Variants in EXOC6 observed in about 807,000 individuals in gnomAD.
The protein encoded by EXOC6 is SEC15-like 1.
In EXOC6, 60 loss-of-function variants were observed where a neutral mutation model predicts 112.5. The ratio of observed to expected loss-of-function variants is 0.53; its 90% CI spans 0.43 to 0.66. The LOEUF (loss-of-function observed/expected upper bound fraction) is 0.66. EXOC6 is among the 30% of genes least tolerant of loss of function. The pLI is 0.00. For missense variants in EXOC6, 855 were observed against 957.1 expected (o/e 0.89, Z 1.41); for synonymous variants, 295 against 308.0 (o/e 0.96, Z 0.44).
intron 9 of EXOC6, among the ~76,000 whole-genome samples, chr10:92,930,058 A>G (rs562001007): frequency 1.3e-5 from 2 of 152,378 alleles, no homozygotes; most frequent in East Asian, 3.9e-4. Flanking sequence ...ATAAAGAGGA[A>G]TGGAAGACCT....
intron 18 of EXOC6, among the ~76,000 whole-genome samples, chr10:92,982,124 C>A (rs1240697121): frequency 2.0e-5 from 3 of 151,914 alleles, no homozygotes; most frequent in East Asian, 1.9e-4. Flanking sequence ...TCAAAAAAAA[C>A]CAAACAAAAA....
rs577135332 is a variant in EXOC6 at position 92,915,588 on chromosome 10, A to T, written c.664-170A>T. On this transcript the variant is annotated intron_variant, in intron 6 of 21. Transcript: ENST00000260762. ...TGATTTTTTTTTTTTTTTTTTTTTT[A>T]AAAAAAGGAAATGAGAAGGCAAAAA... Among the ~76,000 whole-genome samples the T allele has an allele frequency of 0.059, 5,152 of 87,792 alleles. 124 individuals carry two copies. The highest frequency in any genetic ancestry group is 0.1 in the South Asian group (268 of 2,602). The allele number at this position is 87,792 out of a possible 152,430, so 57.6% of individuals were successfully genotyped here.
At chr10:92,975,298 C>T (rs1842476254) in intron 18 of EXOC6, among the ~76,000 whole-genome samples, 2 of 151,440 alleles carry the variant, frequency 1.3e-5, no homozygotes, top group Admixed American at 1.3e-4. Context: ...CTCGGCCGCC[C>T]CGTCTGAGAA....
At chr10:92,902,887 C>T (rs1295716251) in intron 5 of EXOC6, among the ~76,000 whole-genome samples, 1 of 152,008 alleles carries the variant, frequency 6.6e-6, no homozygotes, top group Non-Finnish European at 1.5e-5. Flanking sequence ...TTTTAAAATT[C>T]GTCTGTGGTT....
chr10:92,881,917 C>G (rs540632656), intron 1 of EXOC6, among the ~76,000 whole-genome samples: 2 of 152,270 alleles, frequency 1.3e-5, no homozygotes, highest in South Asian at 4.1e-4. Context: ...TTGGCCTCTT[C>G]TTCCACCATG....
chr10:92,991,582 A>G lies in EXOC6; in HGVS notation c.1954-5892A>G, dbSNP rs563895905. Among the ~76,000 whole-genome samples the G allele has an allele frequency of 2.0e-5, 3 of 152,350 alleles. No homozygotes were observed. The South Asian group carries it at 6.2e-4, about 32-fold the overall frequency. ...TACTCAAAAGATTGTTTAACAAACA[A>G]AAAGACTGCCAAAGTTTGATAAGCC... is the stretch of plus-strand genomic sequence containing the variant. On this transcript the variant is annotated intron_variant, in intron 18 of 21. Transcript: ENST00000260762.
chr10:93,058,874 T>A lies in EXOC6; in HGVS notation c.*519T>A, dbSNP rs1240256342. The A allele has an allele frequency of 6.6e-6, 1 of 152,262 alleles. No individual in the cohort carries two copies. The highest frequency in any genetic ancestry group is 1.5e-5 in the Non-Finnish European group (1 of 68,058). 9.4% of individuals were successfully genotyped at this position (152,262 alleles called of 1,614,324 possible). On this transcript the variant is annotated 3_prime_UTR_variant, in exon 22 of 22. Transcript: ENST00000260762. ...GGGGAAATAGACAAATCTTAAAAGCTGCCTGAAATCAAACTTGATTTAACT... is the reference window on the plus strand; with the variant it reads ...GGGGAAATAGACAAATCTTAAAAGCAGCCTGAAATCAAACTTGATTTAACT...
At chr10:92,915,275 G>A (rs1337969418) in intron 6 of EXOC6, among the ~76,000 whole-genome samples, 2 of 151,946 alleles carry the variant, frequency 1.3e-5, no homozygotes, top group African/African-American at 4.8e-5. Flanking sequence ...GGTGCGGTGG[G>A]TCACACCTGT....
chr10:92,940,941 A>G, intron 13 of EXOC6, 117 bp downstream of exon 13: 2 of 735,786 alleles, frequency 2.7e-6, no homozygotes, highest in Middle Eastern at 3.6e-4. Flanking sequence ...TAAAGTACAC[A>G]TAGAATTTAC....
chr10:92,852,704 C>T (rs1025240922), intron 1 of EXOC6, among the ~76,000 whole-genome samples: 6 of 152,112 alleles, frequency 3.9e-5, no homozygotes, highest in Non-Finnish European at 8.8e-5. Flanking sequence ...AAAGCATTGA[C>T]AAAATCGAAT....
At chr10:92,839,829 T>G (rs1589673993) in intron 1 of EXOC6, among the ~76,000 whole-genome samples, 2 of 137,936 alleles carry the variant, frequency 1.4e-5, no homozygotes, top group Admixed American at 1.5e-4. Flanking sequence ...TAGTGGGAGG[T>G]AGAAAGGTGG....
chr10:92,893,372 A>G lies in EXOC6; in HGVS notation c.125A>G (p.Asn42Ser), dbSNP rs766590934. Residue 42 changes from asparagine (N) to serine (S), a missense_variant, in exon 2 of 22, where the codon AAT becomes AGT. Around this residue, in one of 2 missense-constraint regions of EXOC6, gnomAD observed 405 missense variants for 393.6 expected, o/e 1.03. Coordinates refer to ENST00000260762, the MANE Select transcript of EXOC6 (RefSeq NM_019053.6). ...AGGTCTGTGTATGATGACCAACCAA[A>G]TGCGCACAAGAAGTTTATGGAAAAG... ...TLRSVYDDQP[N>S]AHKKFMEKLD... 11 of 1,611,472 alleles carry G rather than the reference A, an allele frequency of 6.8e-6. 1 individual carries two copies. In the South Asian group the frequency reaches 9.9e-5, roughly 15 times the overall value.
At chr10:92,864,243 A>G (rs890985824) in intron 1 of EXOC6, among the ~76,000 whole-genome samples, 1 of 152,230 alleles carries the variant, frequency 6.6e-6, no homozygotes, top group African/African-American at 2.4e-5. Context: ...ACAAATAACC[A>G]AGGAAACAAG....
chr10:93,014,915 T>A lies in EXOC6; in HGVS notation c.2169+648T>A, dbSNP rs185575108. Among the ~76,000 whole-genome samples the A allele has an allele frequency of 4.0e-4, 61 of 152,232 alleles. No individual in the cohort carries two copies. The East Asian group carries it at 0.01, about 26-fold the overall frequency. On this transcript the variant is annotated intron_variant, in intron 20 of 21. Coordinates refer to ENST00000260762, the MANE Select transcript of EXOC6 (RefSeq NM_019053.6). Reference sequence around the variant, plus strand: ...CTTTTTCCACCTCTTTATTTTTTTTTATTCTTTTCCTCCTCTTTTCTCTTC... The same window carrying A: ...CTTTTTCCACCTCTTTATTTTTTTTAATTCTTTTCCTCCTCTTTTCTCTTC...
intron 5 of EXOC6, chr10:92,901,451 G>A (rs965220467): frequency 1.2e-4 from 18 of 151,054 alleles, no homozygotes; most frequent in African/African-American, 4.4e-4. Flanking sequence ...GTGAACTTAC[G>A]CATTTTTAAA....
intron 9 of EXOC6, among the ~76,000 whole-genome samples, chr10:92,933,763 C>T (rs1471169957): frequency 2.0e-5 from 3 of 151,996 alleles, no homozygotes; most frequent in Non-Finnish European, 2.9e-5. Flanking sequence ...AAATATCATT[C>T]TGGCAGCTGG....
intron 8 of EXOC6, 117 bp downstream of exon 8, chr10:92,920,167 A>G: frequency 1.7e-6 from 1 of 599,924 alleles, no homozygotes; most frequent in Non-Finnish European, 2.7e-6. Flanking sequence ...TCTTTGTGAA[A>G]TATCCACTCT....
intron 9 of EXOC6, among the ~76,000 whole-genome samples, chr10:92,931,089 C>T (rs866668996): frequency 4.9e-5 from 6 of 121,538 alleles, no homozygotes; most frequent in South Asian, 5.3e-4. Flanking sequence ...TCCAGCCTGG[C>T]GACAGAGCAA....
intron 4 of EXOC6, among the ~76,000 whole-genome samples, chr10:92,896,147 G>GTATATATATA (rs1337829493): frequency 4.5e-4 from 11 of 24,484 alleles, no homozygotes; most frequent in African/African-American, 9.2e-4. Context: ...GTATGTATGT[G>GTATATATATA]TATATATATA....
Sources: allele counts gnomAD v4.1 joint callset (sites outside exome capture counted in the v4.1 genomes callset), GRCh38; gene constraint gnomAD v4.1.1; regional missense constraint gnomAD v4.1.1; transcripts MANE v1.5; gene names NCBI Gene and HGNC (gene_info 2026-07-23, HGNC 2026-07-21).